Variants in FLNA observed in about 807,000 individuals in gnomAD.
The protein encoded by FLNA is filamin A.
In FLNA, 7 loss-of-function variants were observed where a neutral mutation model predicts 157.6. The observed-to-expected ratio is 0.04, with a 90% CI of 0.03 to 0.08. FLNA has a LOEUF of 0.08. Ranked by LOEUF, FLNA falls within the 10% of genes least tolerant of loss-of-function variation. The pLI, the probability that FLNA is intolerant of heterozygous loss-of-function variation, is 1.00. For missense variants in FLNA, 1,750 were observed against 2,398.4 expected (o/e 0.73, Z 5.65); for synonymous variants, 1,103 against 1,060.8 (o/e 1.04, Z -0.77).
chrX:154,349,939 G>T, intron 45 of FLNA, 72 bp from the exon 46 acceptor site: 6 of 1,181,263 alleles, frequency 5.1e-6, no homozygotes. Flanking sequence ...GCACAGGCTT[G>T]TCACCTCCAG....
rs1557178858 is a variant in FLNA, at chrX:154,364,969, A to T, written c.1692-12T>A. 3.3e-6 allele frequency: 4 copies of T among 1,211,042 alleles called. No individual in the cohort carries two copies. The highest frequency in any genetic ancestry group is 4.5e-6 in the Non-Finnish European group (4 of 895,403). Reference sequence around the variant, plus strand: ...TCACTTCGAAGGGACTGCAAATGCGAGAGCCACACAGGGAACACCGAGGAT... The same window carrying T: ...TCACTTCGAAGGGACTGCAAATGCGTGAGCCACACAGGGAACACCGAGGAT... On this transcript the variant is annotated splice_polypyrimidine_tract_variant and intron_variant, in intron 11 of 47. Coordinates refer to ENST00000369850, the MANE Select transcript of FLNA (RefSeq NM_001110556.2).
chrX:154,366,209 T>C lies in FLNA; in HGVS notation c.1244A>G (p.Glu415Gly). Residue 415 changes from glutamate (E) to glycine (G), a missense_variant, in exon 9 of 48, where the codon GAG (glutamate) becomes GGG (glycine). Coordinates refer to ENST00000369850, the MANE Select transcript of FLNA (RefSeq NM_001110556.2). The stretch of plus-strand genomic sequence containing the variant: ...GGGGTCCTGGATCACAACCTCGACC[T>C]CGCCCGTGCCAGCTCCTGCCACGAG... The part of the protein sequence containing the change: ...EIFTAGAGTG[E>G]VEVVIQDPMG... 4.1e-6 allele frequency: 5 copies of C among 1,210,645 alleles called. No homozygotes were observed. Among genetic ancestry groups the C allele is most frequent in the Non-Finnish European group, 5.6e-6 (5 of 895,400 alleles).
chrX:154,355,164 C>A, intron 30 of FLNA, 92 bp from the exon 31 acceptor site: 1 of 979,981 alleles, frequency 1.0e-6, no homozygotes, highest in South Asian at 2.3e-5. Flanking sequence ...ACAGGCCTCT[C>A]ATTGCCACCA....
Position 154,353,588 on chromosome X carries a change from G to A in FLNA, c.5826C>T (p.His1942=), listed in dbSNP as rs377667830. The change falls in exon 36 of 48, where the codon CAC becomes CAT. Residue 1942 remains histidine (H), a synonymous_variant. Coordinates refer to ENST00000369850, the MANE Select transcript of FLNA (RefSeq NM_001110556.2). The part of the protein sequence containing the change: ...YSILVKYNEQ[H]VPGSPFTARV... Reference sequence around the variant, plus strand: ...GAGCAGTGAAGGGGCTGCCTGGGACGTGCTGTTCATTGTACTTGACTAGAA... The same window carrying A: ...GAGCAGTGAAGGGGCTGCCTGGGACATGCTGTTCATTGTACTTGACTAGAA... The A allele has an allele frequency of 9.9e-6, 12 of 1,210,622 alleles. No individual in the cohort carries two copies. The highest frequency in any genetic ancestry group is 2.2e-5 in the Admixed American group (1 of 45,973).
chrX:154,365,928 GGGGC>G, intron 9 of FLNA, 92 bp downstream of exon 9: 1 of 868,363 alleles, frequency 1.2e-6, no homozygotes, highest in East Asian at 3.2e-5. Flanking sequence ...TAGGGGCCCC[GGGGC>G]GGGCTGCAGC....
At position 154,362,313 on chromosome X, in the gene FLNA, A is replaced by G. The variant is rs782396558; in HGVS notation, c.2585T>C (p.Ile862Thr). The G allele has an allele frequency of 1.7e-6, 2 of 1,210,883 alleles. No homozygotes were observed. Reference sequence around the variant, plus strand: ...ATGAGAGGGCTCCACCTTGACTCGGATGGGGCTGGTGGGCGTGGCCTGCAG... The same window carrying G: ...ATGAGAGGGCTCCACCTTGACTCGGGTGGGGCTGGTGGGCGTGGCCTGCAG... ...FADQATPTSP[I>T]RVKVEPSHDA... The change falls in exon 18 of 48, where the codon ATC (isoleucine) becomes ACC (threonine). Residue 862 changes from isoleucine (I) to threonine (T), a missense_variant. Ile to Thr is a moderately conservative substitution (Grantham distance 89). Around this residue, in one of 5 missense-constraint regions of FLNA, gnomAD observed 648 missense variants for 805.8 expected, o/e 0.80. Coordinates refer to ENST00000369850, the MANE Select transcript of FLNA (RefSeq NM_001110556.2).
rs202181557 is a variant in FLNA at position 154,366,016 on chromosome X, G to A, written c.1429+8C>T. The A allele has an allele frequency of 2.2e-3, 2,571 of 1,193,254 alleles. 1 individual carries two copies. The highest frequency in any genetic ancestry group is 2.6e-3 in the Non-Finnish European group (2,328 of 884,802). On this transcript the variant is annotated splice_region_variant and intron_variant, in intron 9 of 47. Transcript: ENST00000369850. ...GCCACAGCAGAGGGCAGTCAGGGCC[G>A]GGCCTACCTTGGCCAACAGTGACAG...
In FLNA at chrX:154,360,136, G is replaced by T; in HGVS notation, c.3659C>A (p.Thr1220Asn). The part of the protein sequence containing the change: ...QDHGDGTHTI[T>N]YIPLCPGAYT... ...GGCCCCGGGGCAGAGGGGAATGTAG[G>T]TAATGGTGTGCGTGCCATCACCGTG... Residue 1220 changes from threonine (T) to asparagine (N), a missense_variant, in exon 22 of 48, where the codon ACC (threonine) becomes AAC (asparagine). By Grantham distance (65) the Thr-to-Asn change is moderately conservative. Around this residue, in one of 5 missense-constraint regions of FLNA, gnomAD observed 970 missense variants for 1,302.6 expected, o/e 0.74. Transcript: ENST00000369850. The T allele has an allele frequency of 8.3e-7, 1 of 1,210,169 alleles. No homozygotes were observed. The highest frequency in any genetic ancestry group is 1.1e-6 in the Non-Finnish European group (1 of 894,394).
Position 154,354,731 on chromosome X carries a change from G to C in FLNA, c.5218-20C>G. 1 of 1,207,885 alleles carries C rather than the reference G, an allele frequency of 8.3e-7. No homozygotes were observed. Among genetic ancestry groups the C allele is most frequent in the Non-Finnish European group, 1.1e-6 (1 of 893,150 alleles). ...CAGAGCCTGCAGGGCAAAGCAGAGA[G>C]CTGCTGGAGAGTCTGTTGTCACAGA... On this transcript the variant is annotated intron_variant, in intron 31 of 47. Coordinates refer to ENST00000369850, the MANE Select transcript of FLNA (RefSeq NM_001110556.2).
At chrX:154,365,102 G>A (rs782092593) in intron 11 of FLNA, 34 bp downstream of exon 11, 27 of 1,209,492 alleles carry the variant, frequency 2.2e-5, no homozygotes, top group East Asian at 1.2e-4. Context: ...GGCAGAGTGT[G>A]CAGAGCTGGG....
At chrX:154,358,140 C>T in intron 28 of FLNA, 59 bp downstream of exon 28, 1 of 1,163,650 alleles carries the variant, frequency 8.6e-7, no homozygotes, top group Non-Finnish European at 1.2e-6. Flanking sequence ...CAGCCACCCG[C>T]AGCCCACACT....
In FLNA at chrX:154,371,305, A is replaced by T; in HGVS notation, c.-60T>A. 8.5e-7 allele frequency: 1 copy of T among 1,171,473 alleles called. No individual in the cohort carries two copies. The highest frequency in any genetic ancestry group is 1.9e-5 in the South Asian group (1 of 53,517). On this transcript the variant is annotated 5_prime_UTR_variant, in exon 2 of 48. Coordinates refer to ENST00000369850, the MANE Select transcript of FLNA (RefSeq NM_001110556.2). ...AGCCTCGGCGAGGGGACGGCCCTTT[A>T]ATTAAAGTCGCAGGCACCTAGGCGC...
In FLNA at chrX:154,352,352, T is replaced by C. The variant is rs1436846085; in HGVS notation, c.6598A>G (p.Ile2200Val). The change falls in exon 41 of 48, where the codon ATC (isoleucine) becomes GTC (valine). Residue 2200 changes from isoleucine to valine, a missense_variant. Ile to Val is a conservative substitution (Grantham distance 29). This residue lies in a region of FLNA where 970 missense variants were observed against 1,302.6 expected (regional missense o/e 0.74). Coordinates refer to ENST00000369850, the MANE Select transcript of FLNA (RefSeq NM_001110556.2). ...CCCATCTCAGCGGGAACAAAGCGGA[T>C]GCAGTAGGTGTGGTTCTCCCCTTCC... ...IVEGENHTYC[I>V]RFVPAEMGTH... The C allele has an allele frequency of 8.3e-7, 1 of 1,210,790 alleles. No homozygotes were observed. The highest frequency in any genetic ancestry group is 2.2e-5 in the Admixed American group (1 of 45,995).
intron 2 of FLNA, among the ~76,000 whole-genome samples, 188 bp downstream of exon 2, chrX:154,370,685 G>A (rs2067799008): frequency 8.9e-6 from 1 of 112,949 alleles, no homozygotes; most frequent in Admixed American, 9.2e-5. Context: ...CGGTTCGCAC[G>A]CCCGGCCGGC....
intron 30 of FLNA, among the ~76,000 whole-genome samples, chrX:154,355,651 C>T (rs977015910): frequency 2.7e-5 from 3 of 113,121 alleles, no homozygotes; most frequent in South Asian, 3.6e-4. Flanking sequence ...CGGGAGGCAG[C>T]GGGGTTAGCA....
Position 154,367,906 on chromosome X carries a change from G to A in FLNA, c.558C>T (p.Thr186=). The A allele has an allele frequency of 8.3e-7, 1 of 1,211,524 alleles. No homozygotes were observed. The highest frequency in any genetic ancestry group is 2.2e-5 in the Admixed American group (1 of 46,105). Residue 186 remains threonine (T), a synonymous_variant, in exon 3 of 48, where the codon ACC becomes ACT. Coordinates refer to ENST00000369850, the MANE Select transcript of FLNA (RefSeq NM_001110556.2). ...IQNKLPQLPI[T]NFSRDWQSGR... ...CGCTCTGCCAGTCCCGGCTGAAGTTGGTGATGGGCAGCTGCGGCAGCTTGT... is the reference window on the plus strand; with the variant it reads ...CGCTCTGCCAGTCCCGGCTGAAGTTAGTGATGGGCAGCTGCGGCAGCTTGT...
intron 28 of FLNA, 143 bp from the exon 29 acceptor site, chrX:154,357,766 G>T: frequency 1.7e-6 from 1 of 574,712 alleles, no homozygotes; most frequent in Non-Finnish European, 2.9e-6. Context: ...GCCCAAAAGG[G>T]CTGCCTGCAC....
rs782473776 is a variant in FLNA, at chrX:154,354,309, T to G, written c.5417-18A>C. On this transcript the variant is annotated intron_variant, in intron 33 of 47. Transcript: ENST00000369850. Reference sequence around the variant, plus strand: ...AACCTCCCCTGTGGGGCAGTGGGGCTGAGGTCAGGGCAGCTCATTGGCACA... The same window carrying G: ...AACCTCCCCTGTGGGGCAGTGGGGCGGAGGTCAGGGCAGCTCATTGGCACA... 5 of 1,211,900 alleles carry G rather than the reference T, an allele frequency of 4.1e-6. No individual in the cohort carries two copies. In the Admixed American group the frequency reaches 1.1e-4, roughly 26 times the overall value.
intron 13 of FLNA, 42 bp from the exon 14 acceptor site, chrX:154,364,414 CT>C: frequency 2.5e-6 from 3 of 1,192,078 alleles, no homozygotes; most frequent in Non-Finnish European, 3.4e-6. Flanking sequence ...CAGGTCCAGG[CT>C]GCCAGAGCTA....
Sources: allele counts gnomAD v4.1 joint callset (sites outside exome capture counted in the v4.1 genomes callset), GRCh38; gene constraint gnomAD v4.1.1; regional missense constraint gnomAD v4.1.1; transcripts MANE v1.5; gene names NCBI Gene and HGNC (gene_info 2026-07-23, HGNC 2026-07-21).